Variants in MYH7B observed in about 807,000 individuals in gnomAD.
MYH7B encodes the protein myosin heavy chain 7B.
A neutral mutation model predicts 234.5 loss-of-function variants in MYH7B; 205 were observed. That is an observed-to-expected ratio of 0.87 (90% CI 0.78 to 0.98). The LOEUF is 0.98. Among genes scored for constraint, MYH7B ranks in the 50% least tolerant of loss-of-function variants. The probability of loss-of-function intolerance (pLI) is 0.00; values close to 1 mark genes in which losing one functional copy is unlikely to be tolerated. For synonymous variants in MYH7B, 1,193 were observed against 1,105.0 expected (o/e 1.08, Z -1.58); for missense variants, 2,652 against 2,633.4 (o/e 1.01, Z -0.15).
chr20:34,997,568 G>A (rs757882987), exon 32 of MYH7B: 5 of 1,612,824 alleles, frequency 3.1e-6, no homozygotes, highest in South Asian at 2.2e-5. Context: ...AGAAGCTGGA[G>A]AAGGAGAAGA....
chr20:34,973,335 TC>T (rs2081809982), intron 2 of MYH7B, among the ~76,000 whole-genome samples: 1 of 152,206 alleles, frequency 6.6e-6, no homozygotes, highest in Admixed American at 6.5e-5. Context: ...ATCTTTCCTT[TC>T]CTAGACAATG....
At chr20:34,986,000 T>C (rs1600435334) in intron 13 of MYH7B, 100 bp from the exon 14 acceptor site, 1 of 1,032,944 alleles carries the variant, frequency 9.7e-7, no homozygotes, top group South Asian at 1.4e-5. Context: ...GCAGCCCCCC[T>C]GCACACTCCC....
chr20:34,987,382 A>C (rs1311945245), intron 16 of MYH7B, 95 bp downstream of exon 16: 20 of 1,530,374 alleles, frequency 1.3e-5, no homozygotes, highest in Non-Finnish European at 1.7e-5. Context: ...CTTTAACCTC[A>C]GTCTTACCTG....
intron 16 of MYH7B, 76 bp from the exon 17 acceptor site, chr20:34,987,481 C>G: frequency 6.9e-7 from 1 of 1,446,566 alleles, no homozygotes; most frequent in Non-Finnish European, 9.5e-7. Flanking sequence ...CCTCTCCTAG[C>G]CCCAGGCTGA....
At chr20:34,981,203 C>A in intron 9 of MYH7B, 143 bp downstream of exon 9, 1 of 1,029,420 alleles carries the variant, frequency 9.7e-7, no homozygotes, top group Non-Finnish European at 1.5e-6. Flanking sequence ...CCAGCTGAAG[C>A]TAAATTAGGC....
chr20:34,975,536 A>C (rs907903795), intron 3 of MYH7B, 37 bp downstream of exon 3: 5 of 712,430 alleles, frequency 7.0e-6, no homozygotes, highest in Non-Finnish European at 1.3e-5. Context: ...TACTTTGAGA[A>C]AATTCATCAA....
chr20:34,959,245 A>G (rs971091001), intron 2 of MYH7B, among the ~76,000 whole-genome samples: 1 of 152,072 alleles, frequency 6.6e-6, no homozygotes, highest in African/African-American at 2.4e-5. Context: ...GACACATAGG[A>G]TTGGGGAACT....
At chr20:35,000,639 G>C in exon 39 of MYH7B, 1 of 1,581,080 alleles carries the variant, frequency 6.3e-7, no homozygotes, top group Non-Finnish European at 8.6e-7. Context: ...GCGACTGGCA[G>C]AGCAGGAGCT....
chr20:34,968,386 C>T (rs1483084114), intron 2 of MYH7B, among the ~76,000 whole-genome samples: 2 of 152,212 alleles, frequency 1.3e-5, no homozygotes, highest in African/African-American at 4.8e-5. Flanking sequence ...ATTGAATCCA[C>T]ACCACAACCC....
chr20:34,979,674 G>C, exon 7 of MYH7B: 1 of 1,614,114 alleles, frequency 6.2e-7, no homozygotes, highest in Non-Finnish European at 8.5e-7. Flanking sequence ...CTGATGGTGC[G>C]TGAAGCCGAG....
chr20:34,988,292 AAGGG>A lies in MYH7B; in HGVS notation c.1587+35_1587+38del, dbSNP rs559671088. 8.0e-4 allele frequency: 1,274 copies of A among 1,599,190 alleles called. 8 individuals carry two copies. The Middle Eastern group carries it at 0.011, about 14-fold the overall frequency. Reference sequence around the variant, plus strand: ...GTGCCGCGGCAAGGTCACTTTGAGGAAGGGAGGGTGTGTGTGGTGAGCAAGCAGG... The same window carrying A: ...GTGCCGCGGCAAGGTCACTTTGAGGAAGGGTGTGTGTGGTGAGCAAGCAGG... On this transcript the variant is annotated intron_variant, in intron 19 of 44. Coordinates refer to ENST00000262873, the Ensembl canonical transcript of MYH7B.
chr20:35,002,307 C>T, exon 45 of MYH7B: 4 of 1,133,626 alleles, frequency 3.5e-6, no homozygotes, highest in Non-Finnish European at 4.9e-6. Flanking sequence ...TTCCCTGGGC[C>T]CTGAATAAAC....
intron 10 of MYH7B, 67 bp downstream of exon 10, chr20:34,982,622 C>A: frequency 9.4e-7 from 1 of 1,061,750 alleles, no homozygotes; most frequent in Non-Finnish European, 1.3e-6. Context: ...TTCTTCCTCT[C>A]TTTTTTTTTT....
chr20:34,981,886 C>T (rs1324042204), intron 9 of MYH7B: 1 of 144,942 alleles, frequency 6.9e-6, no homozygotes, highest in East Asian at 2.0e-4. Context: ...AAAGCAAGTA[C>T]CTTTAACCCA....
intron 8 of MYH7B, 82 bp from the exon 9 acceptor site, chr20:34,980,951 C>A (rs2081933441): frequency 6.3e-7 from 1 of 1,593,566 alleles, no homozygotes; most frequent in Non-Finnish European, 8.6e-7. Flanking sequence ...TGGGGTCTGC[C>A]CCAGATGGAT....
intron 2 of MYH7B, among the ~76,000 whole-genome samples, chr20:34,970,442 C>T (rs1268777825): frequency 6.6e-6 from 1 of 152,156 alleles, no homozygotes; most frequent in African/African-American, 2.4e-5. Flanking sequence ...GCCTTAGAGC[C>T]CAGAGTTACA....
At chr20:34,994,360 A>G (rs1024599017) in exon 27 of MYH7B, 2 of 1,602,468 alleles carry the variant, frequency 1.2e-6, no homozygotes, top group African/African-American at 2.7e-5. Context: ...GCACGTCAGC[A>G]TCACCCAGGA....
intron 24 of MYH7B, 71 bp from the exon 25 acceptor site, chr20:34,993,031 A>G (rs1013749973): frequency 3.5e-5 from 55 of 1,554,026 alleles, no homozygotes; most frequent in Admixed American, 1.1e-4. Context: ...TCAGTCCCTG[A>G]CTTCCCCATT....
chr20:34,984,705 C>G, exon 11 of MYH7B: 1 of 1,604,762 alleles, frequency 6.2e-7, no homozygotes, highest in Non-Finnish European at 8.5e-7. Flanking sequence ...TTTCTGGCAA[C>G]AAAGACGGGG....
Sources: allele counts gnomAD v4.1 joint callset (sites outside exome capture counted in the v4.1 genomes callset), GRCh38; gene constraint gnomAD v4.1.1; transcripts MANE v1.5; gene names NCBI Gene and HGNC (gene_info 2026-07-23, HGNC 2026-07-21).